The following NUB1 variants were observed in gnomAD, a reference collection of about 807,000 sequenced individuals.
NUB1 encodes the protein NEDD8 ultimate buster 1.
Under a neutral mutation model 77.1 loss-of-function variants are expected in NUB1, and 41 were observed. That is an observed-to-expected ratio of 0.53 (90% CI 0.41 to 0.69). The LOEUF is 0.69. NUB1 is among the 30% of genes least tolerant of loss of function. NUB1 has a pLI of 0.00. For missense variants in NUB1, 643 were observed against 743.8 expected, an observed-to-expected ratio of 0.86 and a Z score of 1.58; for synonymous variants, 257 against 281.0, an observed-to-expected ratio of 0.91 and a Z score of 0.85.
intron 2 of NUB1, among the ~76,000 whole-genome samples, chr7:151,345,852 T>C (rs903580826): frequency 1.3e-5 from 2 of 152,236 alleles, no homozygotes; most frequent in African/African-American, 2.4e-5. Context: ...AAACAATTGC[T>C]CCTTTTTCCC....
intron 11 of NUB1, among the ~76,000 whole-genome samples, chr7:151,372,600 C>T (rs1296216686): frequency 6.6e-6 from 1 of 152,144 alleles, no homozygotes; most frequent in African/African-American, 2.4e-5. Context: ...TGAAAGACTC[C>T]TGCTGGCATG....
intron 3 of NUB1, among the ~76,000 whole-genome samples, chr7:151,350,057 T>C (rs1438450026): frequency 1.3e-5 from 2 of 152,176 alleles, no homozygotes; most frequent in African/African-American, 2.4e-5. Flanking sequence ...CTTTCCCTTG[T>C]AGGTAGACGA....
intron 5 of NUB1, among the ~76,000 whole-genome samples, chr7:151,354,073 A>C (rs953349457): frequency 6.6e-6 from 1 of 152,198 alleles, no homozygotes; most frequent in Admixed American, 6.5e-5. Context: ...ATTTTCTTGA[A>C]TATTAGCTTA....
intron 2 of NUB1, among the ~76,000 whole-genome samples, chr7:151,347,965 G>A (rs541363895): frequency 6.6e-6 from 1 of 152,322 alleles, no homozygotes; most frequent in East Asian, 1.9e-4. Flanking sequence ...GATACAGATT[G>A]AGAGGAGTAT....
At chr7:151,363,895 G>A (rs1009986330) in intron 8 of NUB1, among the ~76,000 whole-genome samples, 1 of 151,830 alleles carries the variant, frequency 6.6e-6, no homozygotes, top group Admixed American at 6.6e-5. Flanking sequence ...CTGGGTTCAA[G>A]CGATTCTCCT....
Position 151,360,242 on chromosome 7 carries a change from T to C in NUB1, c.795T>C (p.Tyr265=). 6.3e-7 allele frequency: 1 copy of C among 1,584,184 alleles called. No homozygotes were observed. Among genetic ancestry groups the C allele is most frequent in the Non-Finnish European group, 8.7e-7 (1 of 1,153,052 alleles). ...CATGTCTGTTGGACGCTGACAAATATTTCTGGTAGGCGCTTTTGTACTTGG... is the reference window on the plus strand; with the variant it reads ...CATGTCTGTTGGACGCTGACAAATACTTCTGGTAGGCGCTTTTGTACTTGG... ...ALPCLLDADK[Y]FCECCRELLD... is the part of the protein sequence containing the mutation. The change falls in exon 8 of 15, where the codon TAT becomes TAC. Residue 265 remains tyrosine (Y), a synonymous_variant. Transcript: ENST00000568733.
intron 8 of NUB1, among the ~76,000 whole-genome samples, chr7:151,363,832 C>T (rs1797502813): frequency 6.6e-6 from 1 of 152,024 alleles, no homozygotes; most frequent in Non-Finnish European, 1.5e-5. Context: ...GGCTGTAGTG[C>T]AGTGACGCAA....
At chr7:151,353,122 A>C (rs1796896182) in intron 5 of NUB1, among the ~76,000 whole-genome samples, 1 of 152,224 alleles carries the variant, frequency 6.6e-6, no homozygotes, top group African/African-American at 2.4e-5. Context: ...ATAAAATGTT[A>C]GAGAATGGAA....
At chr7:151,364,189 G>A (rs1333862913) in intron 8 of NUB1, among the ~76,000 whole-genome samples, 1 of 150,946 alleles carries the variant, frequency 6.6e-6, no homozygotes, top group Admixed American at 6.6e-5. Flanking sequence ...ATGGGAGGCC[G>A]AGGCAGGCAG....
chr7:151,351,398 G>A (rs449081), intron 3 of NUB1, 26 bp from the exon 4 acceptor site: 1,110,437 of 1,558,768 alleles, frequency 0.71, 400,473 homozygotes, highest in East Asian at 0.91. Flanking sequence ...ATTCAAGTAC[G>A]TTTTACTTTG....
intron 8 of NUB1, among the ~76,000 whole-genome samples, chr7:151,362,321 G>C (rs1216651987): frequency 1.3e-5 from 2 of 152,060 alleles, no homozygotes; most frequent in Non-Finnish European, 2.9e-5. Flanking sequence ...GTGTGTGTGT[G>C]ATTTCTCTCT....
At chr7:151,353,630 C>T (rs1407760855) in intron 5 of NUB1, among the ~76,000 whole-genome samples, 1 of 152,190 alleles carries the variant, frequency 6.6e-6, no homozygotes, top group Admixed American at 6.5e-5. Flanking sequence ...GACATCTGTG[C>T]TGCGGAGTGA....
At chr7:151,370,097 CT>C (rs574995266) in intron 11 of NUB1, among the ~76,000 whole-genome samples, 8,071 of 143,546 alleles carry the variant, frequency 0.056, 193 homozygotes, top group Admixed American at 0.082. Flanking sequence ...AAGCTGAGTT[CT>C]TTTTTTTTTT....
intron 2 of NUB1, among the ~76,000 whole-genome samples, chr7:151,346,046 A>T (rs1016111832): frequency 2.0e-5 from 3 of 152,224 alleles, no homozygotes; most frequent in African/African-American, 7.2e-5. Flanking sequence ...CCAGAAATCT[A>T]TCATACTGGA....
intron 7 of NUB1, among the ~76,000 whole-genome samples, chr7:151,359,263 CCT>C (rs1451802433): frequency 6.9e-6 from 1 of 145,670 alleles, no homozygotes; most frequent in Non-Finnish European, 1.5e-5. Flanking sequence ...ACGGTGAAAC[CCT>C]GTCTCTACTA....
chr7:151,367,095 A>G lies in NUB1; in HGVS notation c.957A>G (p.Gly319=). ...AGAAATGCTTTAAAAATTGTTACGG[A>G]GAAAATCATCAGAGACTGGTCCACA... ...LAQKCFKNCY[G]ENHQRLVHIK... is the part of the protein sequence containing the mutation. The change falls in exon 9 of 15, where the codon GGA becomes GGG. Residue 319 remains glycine, a synonymous_variant. Coordinates refer to ENST00000568733, the MANE Select transcript of NUB1 (RefSeq NM_001243351.2). 6.2e-7 allele frequency: 1 copy of G among 1,613,854 alleles called. No homozygotes were observed. Among genetic ancestry groups the G allele is most frequent in the Non-Finnish European group, 8.5e-7 (1 of 1,179,828 alleles).
chr7:151,376,544 C>A, intron 13 of NUB1, 90 bp from the exon 14 acceptor site: 1 of 1,273,352 alleles, frequency 7.9e-7, no homozygotes, highest in Non-Finnish European at 1.1e-6. Context: ...AGCTCTTAAA[C>A]ATGAGAGTCG....
chr7:151,349,271 C>T lies in NUB1; in HGVS notation c.285+31C>T, dbSNP rs1796675450. ...TAATTTCCCTAAATTTGAGTAGGCACTAATGTCCAGTTAGTGATGAGGTCA... is the reference window on the plus strand; with the variant it reads ...TAATTTCCCTAAATTTGAGTAGGCATTAATGTCCAGTTAGTGATGAGGTCA... On this transcript the variant is annotated intron_variant, in intron 3 of 14. Transcript: ENST00000568733. 6 of 1,560,194 alleles carry T rather than the reference C, an allele frequency of 3.8e-6. No individual in the cohort carries two copies. The South Asian group carries it at 4.5e-5, about 12-fold the overall frequency.
At chr7:151,361,710 T>A (rs1797389689) in intron 8 of NUB1, among the ~76,000 whole-genome samples, 1 of 152,020 alleles carries the variant, frequency 6.6e-6, no homozygotes, top group Non-Finnish European at 1.5e-5. Flanking sequence ...TGCCTTTGGG[T>A]TCTAAGTGAA....
Sources: allele counts gnomAD v4.1 joint callset (sites outside exome capture counted in the v4.1 genomes callset), GRCh38; gene constraint gnomAD v4.1.1; transcripts MANE v1.5; gene names NCBI Gene and HGNC (gene_info 2026-07-23, HGNC 2026-07-21).